STIM1: variants seen among roughly 807,000 people sequenced by gnomAD.
STIM1 encodes the protein stromal interaction molecule 1.
A neutral mutation model predicts 74.7 loss-of-function variants in STIM1; 25 were observed. That is an observed-to-expected ratio of 0.33 (90% CI 0.24 to 0.47). The LOEUF is 0.47. Ranked by LOEUF, STIM1 falls within the 20% of genes least tolerant of loss-of-function variation. The pLI is 1.00. For missense variants in STIM1, 728 were observed against 920.8 expected, an observed-to-expected ratio of 0.79 and a Z score of 2.71; for synonymous variants, 328 against 348.8, an observed-to-expected ratio of 0.94 and a Z score of 0.66.
At chr11:4,086,723 C>T (rs2133242113) in intron 12 of STIM1, 180 bp downstream of exon 12, 4 of 1,538,018 alleles carry the variant, frequency 2.6e-6, no homozygotes, top group Non-Finnish European at 3.5e-6. Context: ...ACCACCACCA[C>T]CACCACCTTC....
intron 6 of STIM1, among the ~76,000 whole-genome samples, chr11:4,071,319 G>T (rs1431796419): frequency 1.3e-5 from 2 of 152,088 alleles, no homozygotes; most frequent in Non-Finnish European, 1.5e-5. Flanking sequence ...AAAAGGAAAT[G>T]AAGTCTTGTC....
Position 3,895,886 on chromosome 11 carries a change from T to TTTTCTTTC in STIM1, c.139+39492_139+39499dup, listed in dbSNP as rs200576507. Among the ~76,000 whole-genome samples, 128 of 140,866 alleles carry TTTTCTTTC rather than the reference T, an allele frequency of 9.1e-4. 4 individuals are homozygous for TTTTCTTTC. Among genetic ancestry groups the TTTTCTTTC allele is most frequent in the African/African-American group, 3.5e-3 (123 of 35,256 alleles). The allele number at this position is 140,866 out of a possible 152,430, so 92.4% of individuals were successfully genotyped here. ...CTCTCTCTTTCTTTTCTTTTCTTTC[T>TTTTCTTTC]TTTCTTTCTTTCTTTCTTTCTTCTT... On this transcript the variant is annotated intron_variant, in intron 1 of 12. Transcript: ENST00000526596.
At chr11:3,973,177 G>C in intron 2 of STIM1, 1 of 425,882 alleles carries the variant, frequency 2.3e-6, no homozygotes, top group Non-Finnish European at 4.6e-6. Flanking sequence ...AGCCATCCCT[G>C]TTGCTACCAG....
chr11:3,899,515 T>C (rs1413783145), intron 1 of STIM1, among the ~76,000 whole-genome samples: 1 of 151,696 alleles, frequency 6.6e-6, no homozygotes, highest in Non-Finnish European at 1.5e-5. Flanking sequence ...TATTTCCTTC[T>C]CCTGCCTAAT....
intron 2 of STIM1, among the ~76,000 whole-genome samples, chr11:4,013,622 G>T (rs553683433): frequency 6.9e-6 from 1 of 145,336 alleles, no homozygotes; most frequent in Non-Finnish European, 1.5e-5. Flanking sequence ...ATTTTTTATT[G>T]CATCTGTATG....
intron 1 of STIM1, among the ~76,000 whole-genome samples, chr11:3,876,501 G>C (rs1157760693): frequency 2.0e-5 from 3 of 152,192 alleles, no homozygotes; most frequent in Admixed American, 2.0e-4. Context: ...GAGCTCTTGG[G>C]CTCAAGCAAT....
chr11:3,964,388 C>T lies in STIM1; in HGVS notation c.140-3164C>T, dbSNP rs550450416. On this transcript the variant is annotated intron_variant, in intron 1 of 12. Coordinates refer to ENST00000526596, the MANE Select transcript of STIM1 (RefSeq NM_001382567.1). Reference sequence around the variant, plus strand: ...CATGGTTTTTCTGTACAGGATTCAACGGCCATAGGAGAATCAAGCTTTTGT... The same window carrying T: ...CATGGTTTTTCTGTACAGGATTCAATGGCCATAGGAGAATCAAGCTTTTGT... 1.2e-4 allele frequency among the ~76,000 whole-genome samples: 18 copies of T among 152,334 alleles called. No homozygotes were observed. The East Asian group carries it at 1.3e-3, about 11-fold the overall frequency.
chr11:4,000,604 A>G (rs1262524318), intron 2 of STIM1, among the ~76,000 whole-genome samples: 1 of 152,092 alleles, frequency 6.6e-6, no homozygotes, highest in East Asian at 1.9e-4. Context: ...ATCATCAAAG[A>G]CCAAAAGTAG....
chr11:4,048,773 G>A (rs561253227), intron 3 of STIM1, among the ~76,000 whole-genome samples: 114 of 151,408 alleles, frequency 7.5e-4, no homozygotes, highest in African/African-American at 2.6e-3. Context: ...TCGCTCTGTC[G>A]CCCAGGCTGG....
chr11:3,915,619 G>A (rs886585853), intron 1 of STIM1, among the ~76,000 whole-genome samples: 1 of 151,884 alleles, frequency 6.6e-6, no homozygotes, highest in Admixed American at 6.5e-5. Context: ...GGATGGTCTC[G>A]ATCTCCTGAC....
chr11:4,033,461 C>T (rs1042452359), intron 3 of STIM1, among the ~76,000 whole-genome samples: 7 of 152,128 alleles, frequency 4.6e-5, no homozygotes, highest in Non-Finnish European at 8.8e-5. Context: ...TCATGTTTAT[C>T]TGCCAATAAA....
At chr11:3,881,869 G>A (rs148072459) in intron 1 of STIM1, among the ~76,000 whole-genome samples, 1 of 150,222 alleles carries the variant, frequency 6.7e-6, no homozygotes, top group Non-Finnish European at 1.5e-5. Flanking sequence ...GACGGGGTTC[G>A]CCATGTTGGC....
At chr11:4,019,168 A>G (rs2093931982) in intron 2 of STIM1, 1 of 153,312 alleles carries the variant, frequency 6.5e-6, no homozygotes, top group Admixed American at 6.5e-5. Flanking sequence ...ATGAAAAATC[A>G]TATTAGCTGT....
At chr11:4,037,418 T>G (rs1038343916) in intron 3 of STIM1, among the ~76,000 whole-genome samples, 2 of 152,242 alleles carry the variant, frequency 1.3e-5, no homozygotes, top group Non-Finnish European at 2.9e-5. Context: ...TGGATTTGCC[T>G]ATTTTTCCTT....
At chr11:3,895,682 C>T (rs1240455799) in intron 1 of STIM1, among the ~76,000 whole-genome samples, 1,316 of 42,506 alleles carry the variant, frequency 0.031, 117 homozygotes, top group South Asian at 0.047. Flanking sequence ...TTCCTTCCTT[C>T]CTTCTTTCTT....
chr11:4,023,117 G>A (rs1411857373), intron 2 of STIM1, among the ~76,000 whole-genome samples: 1 of 152,182 alleles, frequency 6.6e-6, no homozygotes, highest in Admixed American at 6.5e-5. Context: ...GATTGCCTGA[G>A]CTCAAGAGTT....
intron 1 of STIM1, among the ~76,000 whole-genome samples, chr11:3,873,575 A>G (rs2091208827): frequency 6.6e-6 from 1 of 151,880 alleles, no homozygotes; most frequent in African/African-American, 2.4e-5. Context: ...CCATGTGTTT[A>G]CCTCTGAACT....
chr11:3,933,489 A>G (rs548249068), intron 1 of STIM1, among the ~76,000 whole-genome samples: 1 of 152,222 alleles, frequency 6.6e-6, no homozygotes, highest in African/African-American at 2.4e-5. Context: ...TCTAAAGTCC[A>G]TGTTTCCCTC....
intron 1 of STIM1, among the ~76,000 whole-genome samples, chr11:3,860,832 A>T (rs1485239942): frequency 6.6e-6 from 1 of 152,294 alleles, no homozygotes; most frequent in Non-Finnish European, 1.5e-5. Context: ...CTTGCTTTTC[A>T]CTGTGGAAGG....
Sources: gnomAD v4.1 joint callset for allele counts (sites outside exome capture counted in the v4.1 genomes callset) on GRCh38, gnomAD v4.1.1 for gene constraint, MANE v1.5 for transcripts, NCBI Gene and HGNC (gene_info 2026-07-23, HGNC 2026-07-21) for gene names.